Variants in SLC13A4 observed in about 807,000 individuals in gnomAD.
SLC13A4 encodes the protein Na(+)/sulfate cotransporter SUT-1.
Under a neutral mutation model 72.7 loss-of-function variants are expected in SLC13A4, and 28 were observed. The observed-to-expected ratio is 0.39, with a 90% CI of 0.29 to 0.53. The LOEUF (loss-of-function observed/expected upper bound fraction) is 0.53, where lower values mean the gene tolerates loss of function less well. SLC13A4 is among the 20% of genes least tolerant of loss of function. The pLI, the probability that SLC13A4 is intolerant of heterozygous loss-of-function variation, is 0.78. For missense variants in SLC13A4, 653 were observed against 788.0 expected (o/e 0.83, Z 2.05); for synonymous variants, 312 against 325.5 (o/e 0.96, Z 0.45).
intron 2 of SLC13A4, among the ~76,000 whole-genome samples, chr7:135,715,473 G>A (rs1796412527): frequency 7.6e-6 from 1 of 130,820 alleles, no homozygotes; most frequent in Non-Finnish European, 1.7e-5. Flanking sequence ...ATATGAGTGT[G>A]TGTATGTGTA....
intron 7 of SLC13A4, among the ~76,000 whole-genome samples, chr7:135,699,882 A>G (rs924051469): frequency 1.3e-5 from 2 of 152,112 alleles, no homozygotes; most frequent in African/African-American, 4.8e-5. Flanking sequence ...ATGGGTTTTT[A>G]TTTGAACTCC....
intron 15 of SLC13A4, 90 bp from the exon 16 acceptor site, chr7:135,681,790 T>C (rs1795508461): frequency 6.5e-7 from 1 of 1,535,658 alleles, no homozygotes. Context: ...AGCCTATGCC[T>C]TGTGGCCCAG....
At position 135,685,657 on chromosome 7, in the gene SLC13A4, C is replaced by T. The variant is rs752075614; in HGVS notation, c.1473G>A (p.Gly491=). 2.5e-6 allele frequency: 4 copies of T among 1,614,008 alleles called. No individual in the cohort carries two copies. In the African/African-American group the frequency reaches 5.3e-5, roughly 22 times the overall value. Residue 491 remains glycine (G), a synonymous_variant, in exon 14 of 16, where the codon GGG becomes GGA. Coordinates refer to ENST00000682651, the MANE Select transcript of SLC13A4 (RefSeq NM_001318192.2). ...GGCTGCTCAGGGACAACATCTGGTT[C>T]CCAATCCATGTAGAGAGGCCAGAGC... ...SKSSGLSTWI[G]NQMLSLSSLP...
intron 1 of SLC13A4, among the ~76,000 whole-genome samples, chr7:135,723,467 T>TTAAA (rs1419629150): frequency 6.6e-6 from 1 of 152,196 alleles, no homozygotes; most frequent in East Asian, 1.9e-4. Context: ...ATGGGCCTTG[T>TTAAA]TAATGGTAAC....
rs1796040708 is a variant in SLC13A4 at position 135,701,728 on chromosome 7, G to A, written c.666C>T (p.Pro222=). ...NLNGVPSITN[P]IKTANQHQGK... Reference sequence around the variant, plus strand: ...CCTGGTGTTGGTTTGCAGTTTTGATGGGGTTGGTGATCGAGGGCACACCAT... The same window carrying A: ...CCTGGTGTTGGTTTGCAGTTTTGATAGGGTTGGTGATCGAGGGCACACCAT... The change falls in exon 7 of 16, where the codon CCC becomes CCT. Residue 222 remains proline, a synonymous_variant. Coordinates refer to ENST00000682651, the MANE Select transcript of SLC13A4 (RefSeq NM_001318192.2). The A allele has an allele frequency of 6.2e-7, 1 of 1,613,944 alleles. No individual in the cohort carries two copies. The highest frequency in any genetic ancestry group is 8.5e-7 in the Non-Finnish European group (1 of 1,179,918).
Position 135,699,409 on chromosome 7 carries a change from ATGG to A in SLC13A4, c.851_853del (p.Thr284del). On this transcript the variant is annotated inframe_deletion, in exon 8 of 16. Coordinates refer to ENST00000682651, the MANE Select transcript of SLC13A4 (RefSeq NM_001318192.2). The stretch of plus-strand genomic sequence containing the variant: ...GATGAGGCTGGTGGAGGTGCCGATG[ATGG>A]TGGTCAGGCCGCCAATGGTAGCGGA... 1 of 1,613,354 alleles carries A rather than the reference ATGG, an allele frequency of 6.2e-7. No homozygotes were observed. Among genetic ancestry groups the A allele is most frequent in the Middle Eastern group, 1.7e-4 (1 of 6,058 alleles).
At chr7:135,702,745 G>T in intron 6 of SLC13A4, 100 bp downstream of exon 6, 3 of 936,812 alleles carry the variant, frequency 3.2e-6, no homozygotes, top group Non-Finnish European at 5.3e-6. Context: ...AGGTGGATCT[G>T]TAGCTGTTGA....
chr7:135,727,424 G>A lies in SLC13A4; in HGVS notation c.73C>T (p.Pro25Ser). The change falls in exon 1 of 16, where the codon CCT becomes TCT. Residue 25 changes from proline to serine, a missense_variant. Physicochemically the swap from Pro to Ser is moderately conservative, Grantham distance 74 (BLOSUM62 -1). Transcript: ENST00000682651. ...LVVCVPLLLL[P>S]LPVLHPSSEA... ...CTGCTGGGGTGGAGGACGGGCAGAG[G>A]CAGCAGCAGGAGCGGGACGCAGACG... 6.5e-7 allele frequency: 1 copy of A among 1,549,840 alleles called. No individual in the cohort carries two copies. Among genetic ancestry groups the A allele is most frequent in the Non-Finnish European group, 8.7e-7 (1 of 1,146,912 alleles).
At chr7:135,691,106 G>A in intron 13 of SLC13A4, 95 bp downstream of exon 13, 1 of 1,178,848 alleles carries the variant, frequency 8.5e-7, no homozygotes, top group Admixed American at 2.8e-5. Flanking sequence ...GGAGGTTGCA[G>A]TGAGCTGAGA....
At chr7:135,727,057 C>G (rs1156288805) in intron 1 of SLC13A4, among the ~76,000 whole-genome samples, 2 of 152,316 alleles carry the variant, frequency 1.3e-5, no homozygotes, top group East Asian at 3.9e-4. Flanking sequence ...AACACAGGTG[C>G]ACCATGTCGT....
chr7:135,710,108 A>C (rs926541107), intron 2 of SLC13A4, among the ~76,000 whole-genome samples: 1 of 152,210 alleles, frequency 6.6e-6, no homozygotes, highest in African/African-American at 2.4e-5. Flanking sequence ...CTAATTGAAA[A>C]ACCCTCTTAA....
intron 1 of SLC13A4, 135 bp downstream of exon 1, chr7:135,727,263 A>T: frequency 3.4e-6 from 4 of 1,168,560 alleles, no homozygotes; most frequent in African/African-American, 1.5e-5. Context: ...CCTCTGGAAA[A>T]ATCCTTCCAT....
chr7:135,702,730 C>A, intron 6 of SLC13A4, 115 bp downstream of exon 6: 1 of 870,818 alleles, frequency 1.1e-6, no homozygotes. Context: ...CTGAAAGGAA[C>A]TCTAAGGTGG....
intron 2 of SLC13A4, among the ~76,000 whole-genome samples, chr7:135,714,258 G>A (rs1015791185): frequency 6.6e-6 from 1 of 152,206 alleles, no homozygotes; most frequent in Non-Finnish European, 1.5e-5. Context: ...ATGGGTGCTG[G>A]CATGACCCAG....
At chr7:135,710,555 T>C (rs1453672968) in intron 2 of SLC13A4, among the ~76,000 whole-genome samples, 1 of 144,644 alleles carries the variant, frequency 6.9e-6, no homozygotes, top group Non-Finnish European at 1.5e-5. Context: ...TACAAGTTAT[T>C]GACTCTGAGG....
intron 3 of SLC13A4, among the ~76,000 whole-genome samples, chr7:135,706,761 T>C (rs1451117881): frequency 1.3e-5 from 2 of 152,172 alleles, no homozygotes; most frequent in African/African-American, 4.8e-5. Context: ...AGTGACCCAA[T>C]AGAGATGAAT....
intron 7 of SLC13A4, 140 bp downstream of exon 7, chr7:135,701,540 G>A (rs1239653815): frequency 3.7e-6 from 3 of 813,532 alleles, no homozygotes; most frequent in Non-Finnish European, 4.1e-6. Context: ...GCGCACACAG[G>A]CCAGACATGT....
chr7:135,685,708 G>A, intron 13 of SLC13A4, 25 bp from the exon 14 acceptor site: 1 of 1,587,744 alleles, frequency 6.3e-7, no homozygotes, highest in Middle Eastern at 1.7e-4. Context: ...GTTACAGTAA[G>A]AAGAAAGGAG....
At chr7:135,706,334 A>G (rs761103745) in intron 3 of SLC13A4, 34 bp from the exon 4 acceptor site, 1 of 1,568,092 alleles carries the variant, frequency 6.4e-7, no homozygotes, top group South Asian at 1.2e-5. Context: ...CAGAGCGTCC[A>G]CGGAACACAC....
Sources: gnomAD v4.1 joint callset for allele counts (sites outside exome capture counted in the v4.1 genomes callset) on GRCh38, gnomAD v4.1.1 for gene constraint, MANE v1.5 for transcripts, NCBI Gene and HGNC (gene_info 2026-07-23, HGNC 2026-07-21) for gene names.